RBBP8: variants seen among roughly 807,000 people sequenced by gnomAD.
RBBP8 encodes the protein DNA endonuclease RBBP8.
RBBP8 carries 88 observed loss-of-function variants against 108.3 expected under a neutral mutation model. The observed-to-expected ratio is 0.81, with a 90% CI of 0.68 to 0.97. The LOEUF is 0.97. Ranked by LOEUF, RBBP8 falls within the 50% of genes least tolerant of loss-of-function variation. RBBP8 has a pLI of 0.00. For missense variants in RBBP8, 1,023 were observed against 1,049.0 expected (o/e 0.98, Z 0.34); for synonymous variants, 332 against 348.2 (o/e 0.95, Z 0.52).
At chr18:23,000,611 G>A (rs1202609906) in intron 14 of RBBP8, among the ~76,000 whole-genome samples, 6 of 151,698 alleles carry the variant, frequency 4.0e-5, no homozygotes, top group South Asian at 2.1e-4. Context: ...GTATGGTGGC[G>A]CACACCTCTA....
upstream of RBBP8, among the ~76,000 whole-genome samples, chr18:22,930,781 T>A (rs1212768623): frequency 6.6e-6 from 1 of 152,190 alleles, no homozygotes; most frequent in East Asian, 1.9e-4. Flanking sequence ...TTTATTTTTT[T>A]AATTTTAAGA....
intron 3 of RBBP8, among the ~76,000 whole-genome samples, chr18:22,920,357 C>T (rs112551768): frequency 3.3e-5 from 5 of 152,230 alleles, no homozygotes; most frequent in African/African-American, 7.2e-5. Context: ...AACAACTAAA[C>T]TGCCTATAAA....
chr18:22,917,860 T>C (rs1248725193), intron 3 of RBBP8, among the ~76,000 whole-genome samples: 3 of 151,750 alleles, frequency 2.0e-5, no homozygotes, highest in African/African-American at 7.3e-5. Flanking sequence ...TTAGCCAGTG[T>C]GGTGGTGCGT....
Position 22,954,359 on chromosome 18 carries a change from A to C in RBBP8, c.248+4646A>C, listed in dbSNP as rs139866163. On this transcript the variant is annotated intron_variant, in intron 4 of 18. Transcript: ENST00000327155. Reference sequence around the variant, plus strand: ...GGTAAATACACCCATTCCAAATGGGAGAAATTGGCCAAAACAAAGGGGCTG... The same window carrying C: ...GGTAAATACACCCATTCCAAATGGGCGAAATTGGCCAAAACAAAGGGGCTG... Among the ~76,000 whole-genome samples the C allele has an allele frequency of 8.4e-4, 128 of 152,330 alleles. No homozygotes were observed. In the Middle Eastern group the frequency reaches 0.017, roughly 20 times the overall value.
chr18:22,939,923 G>A (rs1203200896), intron 2 of RBBP8, among the ~76,000 whole-genome samples: 1 of 152,172 alleles, frequency 6.6e-6, no homozygotes, highest in Admixed American at 6.5e-5. Context: ...GGTGGAAGGG[G>A]AGGGAATTTT....
chr18:22,943,937 A>G (rs1911319161), intron 2 of RBBP8, among the ~76,000 whole-genome samples: 2 of 152,160 alleles, frequency 1.3e-5, no homozygotes, highest in Admixed American at 6.5e-5. Context: ...AAATTTATGT[A>G]TGAGTGTGTG....
chr18:22,962,934 A>C (rs1019552048), intron 4 of RBBP8, among the ~76,000 whole-genome samples: 4 of 151,980 alleles, frequency 2.6e-5, no homozygotes, highest in Non-Finnish European at 5.9e-5. Context: ...TACGCTATAC[A>C]ACTTACTTTA....
chr18:22,944,076 T>A (rs932773023), intron 2 of RBBP8, among the ~76,000 whole-genome samples: 1 of 152,234 alleles, frequency 6.6e-6, no homozygotes, highest in Non-Finnish European at 1.5e-5. Flanking sequence ...AGCTACATTG[T>A]TGTATAGCCT....
At chr18:22,977,860 G>C (rs1448636777) in intron 6 of RBBP8, 2 of 152,028 alleles carry the variant, frequency 1.3e-5, no homozygotes, top group African/African-American at 4.8e-5. Flanking sequence ...CAGCTATCAT[G>C]GCCCTCCTGA....
intron 2 of RBBP8, among the ~76,000 whole-genome samples, chr18:22,944,396 G>T (rs1027948722): frequency 2.6e-5 from 4 of 152,062 alleles, no homozygotes; most frequent in Admixed American, 6.6e-5. Flanking sequence ...ATCTTTGGCT[G>T]CACTTTTCAC....
At chr18:23,001,804 A>G in intron 15 of RBBP8, 75 bp downstream of exon 15, 2 of 1,554,188 alleles carry the variant, frequency 1.3e-6, no homozygotes, top group Non-Finnish European at 1.8e-6. Context: ...GCTAATTAAC[A>G]AAGGCTTGAT....
intron 3 of RBBP8, among the ~76,000 whole-genome samples, chr18:22,948,662 T>C (rs1032581238): frequency 7.2e-5 from 11 of 152,202 alleles, no homozygotes; most frequent in Non-Finnish European, 1.2e-4. Context: ...TTCTAGCCAC[T>C]TTGACACAAT....
chr18:23,009,540 TAA>T (rs61032247), intron 16 of RBBP8, among the ~76,000 whole-genome samples: 2,622 of 149,888 alleles, frequency 0.017, 77 homozygotes, highest in African/African-American at 0.058. Context: ...TATATATATA[TAA>T]AATGTATATA....
In RBBP8 at chr18:22,940,686, G is replaced by T. The variant is rs9955815; in HGVS notation, c.109+3726G>T. Among the ~76,000 whole-genome samples the T allele has an allele frequency of 3.4e-3, 519 of 152,010 alleles. 9 individuals are homozygous for T. Among genetic ancestry groups the T allele is most frequent in the African/African-American group, 0.012 (505 of 41,364 alleles). Reference sequence around the variant, plus strand: ...TTTAGAGATGAGGTCTTGCCTCATTGCCCAGGCTTGAGTGCAGTGGCACAA... The same window carrying T: ...TTTAGAGATGAGGTCTTGCCTCATTTCCCAGGCTTGAGTGCAGTGGCACAA... On this transcript the variant is annotated intron_variant, in intron 2 of 18. Coordinates refer to ENST00000327155, the MANE Select transcript of RBBP8 (RefSeq NM_002894.3).
chr18:23,005,287 T>A (rs1226519782), intron 15 of RBBP8, among the ~76,000 whole-genome samples: 1 of 152,264 alleles, frequency 6.6e-6, no homozygotes, highest in Non-Finnish European at 1.5e-5. Flanking sequence ...AGATTTTGAA[T>A]GTTCCCAACA....
upstream of RBBP8, among the ~76,000 whole-genome samples, chr18:22,930,899 G>A (rs962862147): frequency 3.3e-5 from 5 of 152,060 alleles, no homozygotes; most frequent in Middle Eastern, 6.3e-3. Flanking sequence ...AGCCTCCACA[G>A]TAACTAGAAC....
intron 5 of RBBP8, among the ~76,000 whole-genome samples, chr18:22,969,486 C>G (rs543140540): frequency 6.6e-6 from 1 of 152,252 alleles, no homozygotes; most frequent in South Asian, 2.1e-4. Context: ...CCATAAGCAA[C>G]TCACAATCAA....
chr18:22,944,576 A>G (rs1911387746), intron 2 of RBBP8, among the ~76,000 whole-genome samples: 1 of 152,226 alleles, frequency 6.6e-6, no homozygotes, highest in Non-Finnish European at 1.5e-5. Flanking sequence ...GGTTGTTTCT[A>G]ATGTTTGGCT....
rs574525587 is a variant in RBBP8, at chr18:23,011,948, G to A, written c.2358-4880G>A. Among the ~76,000 whole-genome samples the A allele has an allele frequency of 5.3e-5, 8 of 152,062 alleles. No individual in the cohort carries two copies. In the South Asian group the frequency reaches 1.7e-3, roughly 32 times the overall value. On this transcript the variant is annotated intron_variant, in intron 16 of 18. Transcript: ENST00000327155. Reference sequence around the variant, plus strand: ...GAACCCTGCAATGGAAGCAGGCATGGTGGCTCATGCCTGTAATTCCAGAAC... The same window carrying A: ...GAACCCTGCAATGGAAGCAGGCATGATGGCTCATGCCTGTAATTCCAGAAC...
Sources: gnomAD v4.1 joint callset for allele counts (sites outside exome capture counted in the v4.1 genomes callset) on GRCh38, gnomAD v4.1.1 for gene constraint, MANE v1.5 for transcripts, NCBI Gene and HGNC (gene_info 2026-07-23, HGNC 2026-07-21) for gene names.